Variants in CADPS2 observed in about 807,000 individuals in gnomAD.
The protein encoded by CADPS2 is calcium-dependent secretion activator 2.
A neutral mutation model predicts 172.5 loss-of-function variants in CADPS2; 93 were observed. The ratio of observed to expected loss-of-function variants is 0.54; its 90% confidence interval spans 0.46 to 0.64. The LOEUF is 0.64. CADPS2 is among the 30% of genes least tolerant of loss of function. The pLI, the probability that CADPS2 is intolerant of heterozygous loss-of-function variation, is 0.00. For synonymous variants in CADPS2, 546 were observed against 555.2 expected (o/e 0.98, Z 0.23); for missense variants, 1,420 against 1,565.9 (o/e 0.91, Z 1.57).
At chr7:122,516,303 G>A (rs1485382555) in intron 8 of CADPS2, among the ~76,000 whole-genome samples, 2 of 152,156 alleles carry the variant, frequency 1.3e-5, no homozygotes, top group Non-Finnish European at 2.9e-5. Flanking sequence ...GGGAAGTCAA[G>A]GCAGGAGGAT....
At chr7:122,498,226 G>A (rs568418971) in intron 9 of CADPS2, among the ~76,000 whole-genome samples, 6 of 152,288 alleles carry the variant, frequency 3.9e-5, no homozygotes, top group Admixed American at 2.0e-4. Context: ...GAGATTACAG[G>A]TGTGAGCCAC....
chr7:122,702,508 C>A (rs2086309403), intron 2 of CADPS2: 1 of 1,613,680 alleles, frequency 6.2e-7, no homozygotes, highest in African/African-American at 1.3e-5. Context: ...CATTCTGATT[C>A]CATCCTTCAG....
At chr7:122,643,633 A>C (rs2077945026) in intron 3 of CADPS2, among the ~76,000 whole-genome samples, 1 of 152,110 alleles carries the variant, frequency 6.6e-6, no homozygotes, top group Non-Finnish European at 1.5e-5. Flanking sequence ...CTATTTCTGC[A>C]TATGATTCTC....
chr7:122,326,733 A>T (rs1325404822), intron 28 of CADPS2, among the ~76,000 whole-genome samples: 1 of 152,152 alleles, frequency 6.6e-6, no homozygotes, highest in East Asian at 1.9e-4. Flanking sequence ...TTCTAAAATA[A>T]ATTTTCACTG....
At chr7:122,831,808 C>G (rs991766254) in intron 1 of CADPS2, among the ~76,000 whole-genome samples, 2 of 152,120 alleles carry the variant, frequency 1.3e-5, no homozygotes, top group Non-Finnish European at 2.9e-5. Flanking sequence ...TCAAATATAA[C>G]AATGAAAGAC....
At chr7:122,654,171 A>T (rs2430047) in intron 3 of CADPS2, among the ~76,000 whole-genome samples, 112,013 of 152,110 alleles carry the variant, frequency 0.74, 41,724 homozygotes, top group Middle Eastern at 0.91. Flanking sequence ...GTTCATGAGG[A>T]AAAAGGCAAT....
intron 7 of CADPS2, 45 bp from the exon 8 acceptor site, chr7:122,554,734 G>A: frequency 6.8e-7 from 1 of 1,467,694 alleles, no homozygotes; most frequent in East Asian, 2.5e-5. Flanking sequence ...GATACGGAGT[G>A]TCTATGGGTT....
At chr7:122,772,857 G>C (rs1379347395) in intron 1 of CADPS2, among the ~76,000 whole-genome samples, 1 of 152,010 alleles carries the variant, frequency 6.6e-6, no homozygotes, top group Non-Finnish European at 1.5e-5. Flanking sequence ...GAAAATAAAG[G>C]TAAAAATCTA....
chr7:122,841,008 A>G (rs1363709652), intron 1 of CADPS2, among the ~76,000 whole-genome samples: 2 of 152,202 alleles, frequency 1.3e-5, no homozygotes, highest in Non-Finnish European at 2.9e-5. Flanking sequence ...TTATGTAACA[A>G]AACTGTTTTA....
chr7:122,674,128 G>C (rs1377546446), intron 2 of CADPS2, among the ~76,000 whole-genome samples: 1 of 152,104 alleles, frequency 6.6e-6, no homozygotes, highest in Non-Finnish European at 1.5e-5. Flanking sequence ...CCAAGTGTGG[G>C]GCCCACTGAG....
chr7:122,447,991 A>G (rs774435067), intron 15 of CADPS2, among the ~76,000 whole-genome samples: 3 of 152,118 alleles, frequency 2.0e-5, no homozygotes, highest in Non-Finnish European at 2.9e-5. Flanking sequence ...GTTAATAGAA[A>G]CTATTGCTGG....
At chr7:122,570,201 G>A (rs1244847418) in intron 7 of CADPS2, among the ~76,000 whole-genome samples, 1 of 151,068 alleles carries the variant, frequency 6.6e-6, no homozygotes, top group African/African-American at 2.4e-5. Flanking sequence ...AAACAAACAA[G>A]CCCATCAAAA....
intron 25 of CADPS2, among the ~76,000 whole-genome samples, chr7:122,367,647 T>C (rs1479198642): frequency 6.9e-6 from 1 of 144,472 alleles, no homozygotes; most frequent in Non-Finnish European, 1.5e-5. Flanking sequence ...TGAGTGCAAG[T>C]GTTCTTGTGC....
At chr7:122,592,956 G>T (rs561990214) in intron 6 of CADPS2, among the ~76,000 whole-genome samples, 71 of 151,290 alleles carry the variant, frequency 4.7e-4, no homozygotes, top group African/African-American at 1.6e-3. Flanking sequence ...CCTGCACGTT[G>T]TACACGTGTA....
chr7:122,658,996 CAT>C (rs1197110564), intron 3 of CADPS2, among the ~76,000 whole-genome samples: 1 of 151,814 alleles, frequency 6.6e-6, no homozygotes, highest in Non-Finnish European at 1.5e-5. Context: ...CTCAGATTAA[CAT>C]AAATATTTAT....
At chr7:122,410,187 T>C (rs1176490564) in intron 19 of CADPS2, among the ~76,000 whole-genome samples, 1 of 151,690 alleles carries the variant, frequency 6.6e-6, no homozygotes, top group East Asian at 1.9e-4. Context: ...CTACTAAAAA[T>C]ACAAAAATTA....
chr7:122,651,830 A>C (rs1050709066), intron 3 of CADPS2, among the ~76,000 whole-genome samples: 1 of 152,208 alleles, frequency 6.6e-6, no homozygotes, highest in African/African-American at 2.4e-5. Context: ...CAAATATAGA[A>C]GTTAAAGGAA....
chr7:122,724,345 A>T (rs1489480880), intron 2 of CADPS2, among the ~76,000 whole-genome samples: 1 of 151,950 alleles, frequency 6.6e-6, no homozygotes, highest in Non-Finnish European at 1.5e-5. Context: ...TTAATTATTT[A>T]CTCAGATTAA....
chr7:122,792,067 C>A (rs1447756018), intron 1 of CADPS2, among the ~76,000 whole-genome samples: 2 of 152,132 alleles, frequency 1.3e-5, no homozygotes, highest in African/African-American at 4.8e-5. Context: ...CTCAGTATTG[C>A]CAATCAAGCC....
Sources: gnomAD v4.1 joint callset for allele counts (sites outside exome capture counted in the v4.1 genomes callset) on GRCh38, gnomAD v4.1.1 for gene constraint, MANE v1.5 for transcripts, NCBI Gene and HGNC (gene_info 2026-07-23, HGNC 2026-07-21) for gene names.